ANKS1B: variants seen among roughly 807,000 people sequenced by gnomAD.
ANKS1B encodes the protein ankyrin repeat and sterile alpha motif domain containing 1B, also known as ankyrin repeat and sterile alpha motif domain-containing protein 1B.
ANKS1B carries 36 observed loss-of-function variants against 148.3 expected under a neutral mutation model. The observed-to-expected ratio is 0.24, with a 90% CI of 0.19 to 0.32. The LOEUF (loss-of-function observed/expected upper bound fraction) is 0.32, where lower values mean the gene tolerates loss of function less well. Ranked by LOEUF, ANKS1B falls within the 10% of genes least tolerant of loss-of-function variation. ANKS1B has a pLI of 1.00. For synonymous variants in ANKS1B, 542 were observed against 560.8 expected (o/e 0.97, Z 0.47); for missense variants, 1,157 against 1,542.6 (o/e 0.75, Z 4.19).
chr12:99,961,601 C>A (rs571077983), intron 1 of ANKS1B, among the ~76,000 whole-genome samples: 19 of 152,250 alleles, frequency 1.2e-4, no homozygotes, highest in South Asian at 2.1e-4. Context: ...TCATAAATTC[C>A]CATTCCCCTT....
chr12:99,410,166 A>T (rs1439898655), intron 11 of ANKS1B, among the ~76,000 whole-genome samples: 3 of 152,182 alleles, frequency 2.0e-5, no homozygotes, highest in Non-Finnish European at 2.9e-5. Flanking sequence ...AACACATGAA[A>T]ATTGTATGAA....
At chr12:99,501,766 G>GCT (rs1463890728) in intron 10 of ANKS1B, among the ~76,000 whole-genome samples, 2 of 152,104 alleles carry the variant, frequency 1.3e-5, no homozygotes, top group African/African-American at 4.8e-5. Context: ...GGTTCAGTAA[G>GCT]CTCCCCCAGG....
intron 8 of ANKS1B, among the ~76,000 whole-genome samples, chr12:99,766,012 T>G (rs751478830): frequency 2.0e-5 from 3 of 152,176 alleles, no homozygotes; most frequent in Non-Finnish European, 4.4e-5. Context: ...GTTATCTCCC[T>G]AAGAAAGATG....
intron 17 of ANKS1B, among the ~76,000 whole-genome samples, chr12:98,901,948 T>C (rs1172553920): frequency 6.6e-6 from 1 of 152,202 alleles, no homozygotes; most frequent in East Asian, 1.9e-4. Context: ...ATTATTCTTA[T>C]TGCCTCCTCA....
intron 8 of ANKS1B, among the ~76,000 whole-genome samples, chr12:99,718,097 G>T (rs2057621523): frequency 6.6e-6 from 1 of 151,516 alleles, no homozygotes. Context: ...TAGAGACGGG[G>T]TTTCACCATG....
chr12:99,223,242 C>T (rs2153940304), intron 14 of ANKS1B, among the ~76,000 whole-genome samples: 1 of 152,202 alleles, frequency 6.6e-6, no homozygotes, highest in African/African-American at 2.4e-5. Flanking sequence ...ATCAGCAGTC[C>T]CCAGTCTTTT....
At chr12:99,848,624 T>C (rs1176142234) in intron 1 of ANKS1B, among the ~76,000 whole-genome samples, 1 of 152,160 alleles carries the variant, frequency 6.6e-6, no homozygotes, top group Non-Finnish European at 1.5e-5. Flanking sequence ...TCTTATTAAA[T>C]GACGCTGAGT....
chr12:99,553,470 G>C (rs530891147), intron 9 of ANKS1B, among the ~76,000 whole-genome samples: 13 of 152,144 alleles, frequency 8.5e-5, no homozygotes, highest in Admixed American at 1.3e-4. Context: ...TTTATTTGAA[G>C]TAGACCAAGA....
intron 1 of ANKS1B, among the ~76,000 whole-genome samples, chr12:99,865,526 A>T (rs2090618946): frequency 1.3e-5 from 2 of 152,322 alleles, no homozygotes; most frequent in Admixed American, 6.5e-5. Context: ...GTAGTCAAGA[A>T]ATCCTGGCAG....
At chr12:99,278,963 T>C (rs2078038146) in intron 12 of ANKS1B, among the ~76,000 whole-genome samples, 1 of 152,202 alleles carries the variant, frequency 6.6e-6, no homozygotes, top group South Asian at 2.1e-4. Flanking sequence ...TGGCACTTGG[T>C]ACAAATCTGA....
intron 14 of ANKS1B, among the ~76,000 whole-genome samples, chr12:99,179,453 A>C (rs2078850724): frequency 6.9e-6 from 1 of 145,948 alleles, no homozygotes; most frequent in East Asian, 2.0e-4. Flanking sequence ...AAAAAAAAAA[A>C]ATTTAGTTAT....
At position 99,246,854 on chromosome 12, in the gene ANKS1B, G is replaced by T; in HGVS notation, c.1767C>A (p.Ser589=). The part of the protein sequence containing the change: ...NEGTNHTDDL[S]RQDDNDPPKE... Reference sequence around the variant, plus strand: ...TTGGGGGATCATTGTCATCCTGTCGGGAGAGGTCATCTGCAAAAGGAAGGA... The same window carrying T: ...TTGGGGGATCATTGTCATCCTGTCGTGAGAGGTCATCTGCAAAAGGAAGGA... The change falls in exon 13 of 27, where the codon TCC becomes TCA. Residue 589 remains serine (S), a synonymous_variant. Transcript: ENST00000683438. 2 of 1,582,548 alleles carry T rather than the reference G, an allele frequency of 1.3e-6. No homozygotes were observed. The highest frequency in any genetic ancestry group is 1.7e-4 in the Middle Eastern group (1 of 5,872).
At chr12:98,871,433 T>C (rs2099668391) in intron 17 of ANKS1B, among the ~76,000 whole-genome samples, 1 of 152,206 alleles carries the variant, frequency 6.6e-6, no homozygotes, top group Admixed American at 6.5e-5. Context: ...CATAGTTATC[T>C]GCATTTGACC....
chr12:99,731,424 G>C (rs942819576), intron 8 of ANKS1B, among the ~76,000 whole-genome samples: 139 of 96,276 alleles, frequency 1.4e-3, no homozygotes, highest in Middle Eastern at 6.7e-3. Context: ...GTGTGTGTGT[G>C]TGTGTGTGTG....
At chr12:98,748,842 C>G (rs900160312) in intron 26 of ANKS1B, among the ~76,000 whole-genome samples, 1 of 152,126 alleles carries the variant, frequency 6.6e-6, no homozygotes, top group Non-Finnish European at 1.5e-5. Context: ...CTGTGGGGAC[C>G]AGGGTAAGGT....
At chr12:99,273,578 T>TA (rs1469245763) in intron 12 of ANKS1B, among the ~76,000 whole-genome samples, 1 of 144,078 alleles carries the variant, frequency 6.9e-6, no homozygotes, top group East Asian at 2.0e-4. Flanking sequence ...TTTGCGATTT[T>TA]TTTTTTTTTT....
intron 1 of ANKS1B, among the ~76,000 whole-genome samples, chr12:99,975,122 C>A (rs865849789): frequency 1.3e-5 from 2 of 149,254 alleles, no homozygotes; most frequent in African/African-American, 5.0e-5. Flanking sequence ...CACAGCACCC[C>A]GGCCTGGGTG....
At chr12:99,244,944 G>C (rs936006230) in intron 13 of ANKS1B, among the ~76,000 whole-genome samples, 1 of 152,088 alleles carries the variant, frequency 6.6e-6, no homozygotes, top group Non-Finnish European at 1.5e-5. Context: ...AACCTCCGCC[G>C]CCCAGGTCCA....
intron 8 of ANKS1B, among the ~76,000 whole-genome samples, chr12:99,731,940 T>C (rs1304960182): frequency 1.3e-5 from 2 of 152,160 alleles, no homozygotes; most frequent in Non-Finnish European, 2.9e-5. Flanking sequence ...TTTTGAGATA[T>C]ATAAAGAATT....
Sources: gnomAD v4.1 joint callset for allele counts (sites outside exome capture counted in the v4.1 genomes callset) on GRCh38, gnomAD v4.1.1 for gene constraint, MANE v1.5 for transcripts, NCBI Gene and HGNC (gene_info 2026-07-23, HGNC 2026-07-21) for gene names.